PNISR: variants seen among roughly 807,000 people sequenced by gnomAD.
The protein encoded by PNISR is PNN interacting serine and arginine rich protein.
A neutral mutation model predicts 93.4 loss-of-function variants in PNISR; 20 were observed. That is an observed-to-expected ratio of 0.21 (90% CI 0.15 to 0.31). The LOEUF is 0.31. Among genes scored for constraint, PNISR ranks in the 10% least tolerant of loss-of-function variants. PNISR has a pLI of 1.00. For synonymous variants in PNISR, 305 were observed against 306.5 expected (o/e 0.99, Z 0.05); for missense variants, 893 against 985.4 (o/e 0.91, Z 1.25).
intron 1 of PNISR, among the ~76,000 whole-genome samples, chr6:99,421,975 C>G (rs1778624185): frequency 6.6e-6 from 1 of 152,070 alleles, no homozygotes; most frequent in African/African-American, 2.4e-5. Flanking sequence ...AAGCAATTCT[C>G]ATGCCTCAGC....
intron 1 of PNISR, among the ~76,000 whole-genome samples, chr6:99,422,888 A>AC (rs1173239044): frequency 6.6e-6 from 1 of 151,574 alleles, no homozygotes; most frequent in African/African-American, 2.4e-5. Context: ...AAAAAAAAAA[A>AC]AAAAAAAAAA....
rs1216083685 is a variant in PNISR at position 99,409,361 on chromosome 6, G to A, written c.502-17C>T. 1.2e-6 allele frequency: 2 copies of A among 1,610,046 alleles called. No individual in the cohort carries two copies. Among genetic ancestry groups the A allele is most frequent in the Admixed American group, 3.4e-5 (2 of 59,316 alleles). On this transcript the variant is annotated splice_polypyrimidine_tract_variant and intron_variant, in intron 5 of 11. Transcript: ENST00000369239. ...AGCCCCATGCTGAAAGAGTATTGCA[G>A]TTTATTTTTTCTTCAAATTAATACA... is the stretch of plus-strand genomic sequence containing the variant.
chr6:99,408,127 T>C lies in PNISR; in HGVS notation c.818A>G (p.Asp273Gly). The C allele has an allele frequency of 6.2e-7, 1 of 1,610,348 alleles. No individual in the cohort carries two copies. The highest frequency in any genetic ancestry group is 8.5e-7 in the Non-Finnish European group (1 of 1,178,542). Residue 273 changes from aspartate to glycine, a missense_variant, in exon 7 of 12, where the codon GAT (aspartate) becomes GGT (glycine). This residue lies in a region of PNISR where 866 missense variants were observed against 935.1 expected (regional missense o/e 0.93). Coordinates refer to ENST00000369239, the MANE Select transcript of PNISR (RefSeq NM_032870.4). ...LSKKEKKATE[D>G]AEGGDGPRLP... The stretch of plus-strand genomic sequence containing the variant: ...ACGAGGGCCATCCCCTCCTTCAGCA[T>C]CTTCTGTGGCCTTTTTTTCTTTTTT...
chr6:99,414,483 C>T (rs565393056), intron 3 of PNISR, 89 bp downstream of exon 3: 6 of 609,840 alleles, frequency 9.8e-6, no homozygotes, highest in African/African-American at 5.6e-5. Flanking sequence ...ACACCAATCT[C>T]AATTCCATAT....
chr6:99,403,288 T>A (rs1775748359), intron 10 of PNISR: 1 of 152,192 alleles, frequency 6.6e-6, no homozygotes, highest in Admixed American at 6.5e-5. Context: ...AAAGGCAAAT[T>A]CAAGCTTTTA....
In PNISR at chr6:99,414,624, C is replaced by A. The variant is rs1777423699; in HGVS notation, c.36G>T (p.Trp12Cys). ...WDQGGQPWQQWPLNQQQWMQS... is the reference protein window; with the variant it reads ...WDQGGQPWQQCPLNQQQWMQS... The stretch of plus-strand genomic sequence containing the variant: ...GCATCCATTGTTGCTGGTTCAAGGG[C>A]CACTGCTGCCAAGGCTGTCCTCCTT... Residue 12 changes from tryptophan to cysteine, a missense_variant, in exon 3 of 12, where the codon TGG becomes TGT. Physicochemically the swap from Trp to Cys is radical, Grantham distance 215. Transcript: ENST00000369239. 1.2e-6 allele frequency: 2 copies of A among 1,608,544 alleles called. No individual in the cohort carries two copies. Among genetic ancestry groups the A allele is most frequent in the African/African-American group, 1.3e-5 (1 of 74,728 alleles).
intron 4 of PNISR, among the ~76,000 whole-genome samples, chr6:99,411,454 G>A (rs552251382): frequency 1.3e-5 from 2 of 152,052 alleles, no homozygotes; most frequent in East Asian, 3.9e-4. Context: ...AAAACTAAGG[G>A]GTAGGGATGC....
At position 99,401,287 on chromosome 6, in the gene PNISR, T is replaced by A. The variant is rs746657972; in HGVS notation, c.1671A>T (p.Arg557Ser). 1.2e-6 allele frequency: 2 copies of A among 1,614,016 alleles called. No homozygotes were observed. ...SRSSSPKRKK[R>S]HSRSRSPTIK... ...TTGTTGGAGATCTACTCCTACTGTG[T>A]CTCTTTTTCCTTTTAGGAGAAGAAG... The change falls in exon 12 of 12, where the codon AGA (arginine) becomes AGT (serine). Residue 557 changes from arginine to serine, a missense_variant. This residue lies in a region of PNISR where 866 missense variants were observed against 935.1 expected (regional missense o/e 0.93). Transcript: ENST00000369239.
rs1320415635 is a variant in PNISR, at chr6:99,399,800, G to A, written c.*740C>T. On this transcript the variant is annotated 3_prime_UTR_variant, in exon 12 of 12. Transcript: ENST00000369239. Reference sequence around the variant, plus strand: ...CCCTTAAAGTTGGAATCTGGCAAAAGTCCATGGGTACAATTTACAAACTTT... The same window carrying A: ...CCCTTAAAGTTGGAATCTGGCAAAAATCCATGGGTACAATTTACAAACTTT... 2.6e-5 allele frequency: 4 copies of A among 152,156 alleles called. No homozygotes were observed. The highest frequency in any genetic ancestry group is 5.9e-5 in the Non-Finnish European group (4 of 68,010). 9.4% of individuals were successfully genotyped at this position (152,156 alleles called of 1,614,324 possible). A position where few individuals can be genotyped will look rare whatever the true frequency, so the allele number is the denominator to read the frequency against.
chr6:99,407,516 G>T (rs1776318149), intron 7 of PNISR, among the ~76,000 whole-genome samples: 1 of 152,046 alleles, frequency 6.6e-6, no homozygotes. Context: ...TGCTCTTCTT[G>T]AGACTTATTT....
chr6:99,402,769 T>C, intron 10 of PNISR, 59 bp from the exon 11 acceptor site: 2 of 1,274,594 alleles, frequency 1.6e-6, no homozygotes, highest in Non-Finnish European at 2.1e-6. Flanking sequence ...ACTAAAAACT[T>C]TTCAAGGTCT....
chr6:99,403,111 C>T (rs1157729295), intron 10 of PNISR: 1 of 152,968 alleles, frequency 6.5e-6, no homozygotes, highest in African/African-American at 2.4e-5. Context: ...CAATTTTTCC[C>T]TAAAAAAATT....
At chr6:99,423,369 A>G (rs1778890561) in intron 1 of PNISR, among the ~76,000 whole-genome samples, 1 of 152,250 alleles carries the variant, frequency 6.6e-6, no homozygotes, top group African/African-American at 2.4e-5. Flanking sequence ...TTCCAAATAA[A>G]TTATGTAAAT....
intron 7 of PNISR, among the ~76,000 whole-genome samples, chr6:99,406,626 A>C (rs1245859137): frequency 1.3e-5 from 2 of 152,164 alleles, no homozygotes; most frequent in Admixed American, 6.5e-5. Flanking sequence ...AAAATCTCTA[A>C]TCAGATTTTT....
intron 10 of PNISR, 198 bp from the exon 11 acceptor site, chr6:99,402,908 T>C (rs913193487): frequency 1.9e-5 from 8 of 414,540 alleles, no homozygotes; most frequent in Non-Finnish European, 3.4e-5. Context: ...ACTTAATATC[T>C]TATTCTTTCT....
chr6:99,424,922 G>T (rs1779269361), intron 1 of PNISR: 1 of 276,352 alleles, frequency 3.6e-6, no homozygotes, highest in East Asian at 6.2e-5. Context: ...CACGCGCAGT[G>T]TTTAACGGCC....
chr6:99,418,977 G>A (rs536557442), intron 1 of PNISR, among the ~76,000 whole-genome samples: 10 of 151,650 alleles, frequency 6.6e-5, no homozygotes, highest in African/African-American at 1.4e-4. Flanking sequence ...GGTGAAACCC[G>A]TCTCTATTAA....
chr6:99,417,199 T>C (rs946048991), intron 1 of PNISR, among the ~76,000 whole-genome samples: 2 of 152,162 alleles, frequency 1.3e-5, no homozygotes, highest in Non-Finnish European at 2.9e-5. Flanking sequence ...AAACTGAAAA[T>C]GTGCACTTAC....
At chr6:99,401,685 C>A in intron 11 of PNISR, 55 bp from the exon 12 acceptor site, 2 of 1,359,994 alleles carry the variant, frequency 1.5e-6, no homozygotes, top group Non-Finnish European at 9.8e-7. Context: ...AATTCTCATA[C>A]TACCAAATGT....
Sources: gnomAD v4.1 joint callset for allele counts (sites outside exome capture counted in the v4.1 genomes callset) on GRCh38, gnomAD v4.1.1 for gene constraint, gnomAD v4.1.1 regional missense constraint, MANE v1.5 for transcripts, NCBI Gene and HGNC (gene_info 2026-07-23, HGNC 2026-07-21) for gene names.